Variants in MPPE1 observed in about 807,000 individuals in gnomAD.
The protein encoded by MPPE1 is metallo phosphoesterase.
Under a neutral mutation model 43.8 loss-of-function variants are expected in MPPE1, and 28 were observed. The ratio of observed to expected loss-of-function variants is 0.64; its 90% CI spans 0.47 to 0.88. The LOEUF (loss-of-function observed/expected upper bound fraction) is 0.88. Among genes scored for constraint, MPPE1 ranks in the 40% least tolerant of loss-of-function variants. The pLI, the probability that MPPE1 is intolerant of heterozygous loss-of-function variation, is 0.00. For missense variants in MPPE1, 428 were observed against 492.2 expected (o/e 0.87, Z 1.23); for synonymous variants, 159 against 188.5 (o/e 0.84, Z 1.28).
At chr18:11,901,583 G>A (rs1057192255) in intron 2 of MPPE1, among the ~76,000 whole-genome samples, 1 of 149,656 alleles carries the variant, frequency 6.7e-6, no homozygotes, top group Non-Finnish European at 1.5e-5. Context: ...GCTCACAGCC[G>A]TAATCCCAGC....
intron 2 of MPPE1, among the ~76,000 whole-genome samples, chr18:11,899,297 T>A (rs563618671): frequency 6.6e-6 from 1 of 152,294 alleles, no homozygotes; most frequent in East Asian, 1.9e-4. Flanking sequence ...AACCTGTGGG[T>A]GATTGCAACA....
intron 2 of MPPE1, chr18:11,902,723 T>G (rs672147): frequency 0.32 from 48,887 of 152,128 alleles, 10,085 homozygotes; most frequent in African/African-American, 0.58. Context: ...AGAGTGAGCC[T>G]TGTTTGAGCA....
chr18:11,886,360 C>T lies in MPPE1; in HGVS notation c.867+139G>A, dbSNP rs2037243242. On this transcript the variant is annotated intron_variant, in intron 9 of 10. Coordinates refer to ENST00000588072, the MANE Select transcript of MPPE1 (RefSeq NM_023075.6). This position sits in a 1 kb window ranked among gnomAD's most constrained non-coding sequence, Gnocchi z 4.1. Reference sequence around the variant, plus strand: ...AGATACTGTGAAAGCCAGGCCTCCACCCCTGTCCCCCCAGGTGATAACTAA... The same window carrying T: ...AGATACTGTGAAAGCCAGGCCTCCATCCCTGTCCCCCCAGGTGATAACTAA... 2 of 1,221,612 alleles carry T rather than the reference C, an allele frequency of 1.6e-6. No individual in the cohort carries two copies. The highest frequency in any genetic ancestry group is 1.5e-5 in the African/African-American group (1 of 66,140). The allele number at this position is 1,221,612 out of a possible 1,614,324, so 75.7% of individuals were successfully genotyped here.
intron 2 of MPPE1, 161 bp downstream of exon 2, chr18:11,906,042 A>C (rs1291773387): frequency 1.3e-5 from 2 of 152,184 alleles, no homozygotes; most frequent in African/African-American, 4.8e-5. Flanking sequence ...TCCCAAGTTC[A>C]ATTTATCAGT....
In MPPE1 at chr18:11,886,451, TGA is replaced by T. The variant is rs1423385697; in HGVS notation, c.867+46_867+47del. 3 of 1,613,626 alleles carry T rather than the reference TGA, an allele frequency of 1.9e-6. No individual in the cohort carries two copies. The African/African-American group carries it at 4.0e-5, about 22-fold the overall frequency. On this transcript the variant is annotated intron_variant, in intron 9 of 10. Transcript: ENST00000588072. This position sits in a 1 kb window ranked among gnomAD's most constrained non-coding sequence, Gnocchi z 4.1. The stretch of plus-strand genomic sequence containing the variant: ...CTCTGCTTGTTGACATGCAAGGTGA[TGA>T]GAGTCACACTGTGACATGAATTAGC...
At chr18:11,898,994 G>A (rs2038870491) in intron 2 of MPPE1, among the ~76,000 whole-genome samples, 1 of 151,374 alleles carries the variant, frequency 6.6e-6, no homozygotes, top group East Asian at 1.9e-4. Context: ...TGCAACCTCT[G>A]CCTCCCAGGT....
At chr18:11,897,681 G>A in intron 2 of MPPE1, 1 of 157,012 alleles carries the variant, frequency 6.4e-6, no homozygotes, top group South Asian at 1.9e-4. Context: ...AGACATAATG[G>A]GAAAATTCAG....
chr18:11,888,632 A>T, intron 6 of MPPE1, 37 bp downstream of exon 6: 1 of 1,314,068 alleles, frequency 7.6e-7, no homozygotes, highest in Non-Finnish European at 1.1e-6. Context: ...GTTTCCAAGG[A>T]CTAAAGGTCT....
chr18:11,900,813 A>G (rs1429647311), intron 2 of MPPE1, among the ~76,000 whole-genome samples: 4 of 151,908 alleles, frequency 2.6e-5, no homozygotes, highest in Non-Finnish European at 5.9e-5. Flanking sequence ...AGGATGAGGC[A>G]GGAGAATGGC....
chr18:11,902,199 C>T (rs1302074374), intron 2 of MPPE1: 1 of 133,070 alleles, frequency 7.5e-6, no homozygotes, highest in Non-Finnish European at 1.5e-5. Context: ...GATGTGCAGC[C>T]ACCCTGTGCT....
chr18:11,902,052 C>G (rs1425362442), intron 2 of MPPE1, among the ~76,000 whole-genome samples: 1 of 152,206 alleles, frequency 6.6e-6, no homozygotes, highest in African/African-American at 2.4e-5. Context: ...TTCTCTAAGG[C>G]AAACCACACA....
intron 2 of MPPE1, among the ~76,000 whole-genome samples, chr18:11,900,870 G>A (rs1198702813): frequency 1.4e-5 from 2 of 147,734 alleles, no homozygotes; most frequent in Admixed American, 1.4e-4. Context: ...TTGCGCCACT[G>A]CACTCCAGCC....
chr18:11,884,907 G>T (rs529843782), intron 10 of MPPE1: 2 of 1,298,238 alleles, frequency 1.5e-6, no homozygotes, highest in South Asian at 1.5e-5. Context: ...GGCTCACTGG[G>T]TTCCCATCAA....
chr18:11,903,608 C>T (rs2039411965), intron 2 of MPPE1, among the ~76,000 whole-genome samples: 1 of 152,158 alleles, frequency 6.6e-6, no homozygotes, highest in East Asian at 1.9e-4. Context: ...AGATCGAGAC[C>T]ATCCTGGCTA....
chr18:11,888,622 G>A (rs1240929538), intron 6 of MPPE1, 47 bp downstream of exon 6: 4 of 1,222,154 alleles, frequency 3.3e-6, no homozygotes, highest in Non-Finnish European at 4.7e-6. Flanking sequence ...AAAAAATGAA[G>A]TTTCCAAGGA....
In MPPE1 at chr18:11,886,019, C is replaced by A. The variant is rs1598478125; in HGVS notation, c.868-203G>T. 7.5e-6 allele frequency: 3 copies of A among 397,534 alleles called. No homozygotes were observed. The highest frequency in any genetic ancestry group is 1.3e-5 in the Non-Finnish European group (3 of 230,896). 24.6% of individuals were successfully genotyped at this position (397,534 alleles called of 1,614,324 possible). On this transcript the variant is annotated intron_variant, in intron 9 of 10. Transcript: ENST00000588072. This position sits in a 1 kb window ranked among gnomAD's most constrained non-coding sequence, Gnocchi z 4.1. ...TCAAAGGTAAGGTCAGCCCTTTGTT[C>A]TCATCCCAGATTTTATATACTTTTT... is the stretch of plus-strand genomic sequence containing the variant.
rs542029884 is a variant in MPPE1 at position 11,908,309 on chromosome 18, G to C, written c.-308C>G. ...GGTGGCTTCGGTGGCCGAGGGACCC[G>C]GGAACTGCAGCCGGAGCCGGCGCGC... is the stretch of plus-strand genomic sequence containing the variant. On this transcript the variant is annotated 5_prime_UTR_variant, in exon 1 of 11. Coordinates refer to ENST00000588072, the MANE Select transcript of MPPE1 (RefSeq NM_023075.6). 6.6e-6 allele frequency: 1 copy of C among 152,268 alleles called. No individual in the cohort carries two copies. The allele number at this position is 152,268 out of a possible 1,614,324, so 9.4% of individuals were successfully genotyped here.
intron 2 of MPPE1, among the ~76,000 whole-genome samples, chr18:11,902,076 C>T (rs1453994947): frequency 6.6e-6 from 1 of 152,232 alleles, no homozygotes; most frequent in Non-Finnish European, 1.5e-5. Flanking sequence ...CGCATAATCG[C>T]AGTCACAACA....
intron 10 of MPPE1, chr18:11,885,126 C>T (rs1443344624): frequency 9.4e-7 from 1 of 1,061,830 alleles, no homozygotes; most frequent in East Asian, 6.9e-5. Flanking sequence ...CAAATGTTTT[C>T]ATTTACTTTG....
Sources: allele counts gnomAD v4.1 joint callset (sites outside exome capture counted in the v4.1 genomes callset), GRCh38; gene constraint gnomAD v4.1.1; non-coding constraint Gnocchi (gnomAD v3.1); transcripts MANE v1.5; gene names NCBI Gene and HGNC (gene_info 2026-07-23, HGNC 2026-07-21).